The following CASZ1 variants were observed in gnomAD, a reference collection of about 807,000 sequenced individuals.
CASZ1 encodes castor zinc finger 1, also known as zinc finger protein castor homolog 1.
Under a neutral mutation model 135.2 loss-of-function variants are expected in CASZ1, and 28 were observed. That is an observed-to-expected ratio of 0.21 (90% CI 0.15 to 0.28). The LOEUF is 0.28. CASZ1 is among the 10% of genes least tolerant of loss of function. The pLI is 1.00. For missense variants in CASZ1, 2,161 were observed against 2,453.3 expected, an observed-to-expected ratio of 0.88 and a Z score of 2.52; for synonymous variants, 1,068 against 1,073.4, an observed-to-expected ratio of 0.99 and a Z score of 0.10.
At chr1:10,672,779 C>T (rs1643448470) in intron 4 of CASZ1, among the ~76,000 whole-genome samples, 1 of 152,228 alleles carries the variant, frequency 6.6e-6, no homozygotes. Context: ...CTCCCCACTC[C>T]AGTCTCCAGG....
intron 9 of CASZ1, among the ~76,000 whole-genome samples, chr1:10,655,067 T>C (rs1642742385): frequency 6.8e-6 from 1 of 146,552 alleles, no homozygotes; most frequent in Non-Finnish European, 1.5e-5. Flanking sequence ...AACGTTGCCA[T>C]ATTGAGTAAA....
intron 4 of CASZ1, among the ~76,000 whole-genome samples, chr1:10,677,909 G>A (rs934638922): frequency 2.6e-5 from 4 of 152,246 alleles, no homozygotes; most frequent in African/African-American, 9.6e-5. Flanking sequence ...AGGCCTGGAA[G>A]CCAGGCTCCC....
Position 10,724,811 on chromosome 1 carries a change from A to G in CASZ1, c.-76-19267T>C, listed in dbSNP as rs2100493291. 6.6e-6 allele frequency among the ~76,000 whole-genome samples: 1 copy of G among 152,190 alleles called. No individual in the cohort carries two copies. The highest frequency in any genetic ancestry group is 3.4e-3 in the Middle Eastern group (1 of 292). The stretch of plus-strand genomic sequence containing the variant: ...GAAGGCAGGTGGGGGGCTGGCTGGG[A>G]GCCTCGGAGGATGACATAAGGGGGA... On this transcript the variant is annotated intron_variant, in intron 2 of 20. Coordinates refer to ENST00000377022, the MANE Select transcript of CASZ1 (RefSeq NM_001079843.3). The surrounding 1 kb of genome is among the most constrained non-coding windows in gnomAD (Gnocchi z 4.1).
Position 10,655,793 on chromosome 1 carries a change from G to A in CASZ1, c.1521C>T (p.Asp507=), listed in dbSNP as rs1476430347. The A allele has an allele frequency of 1.1e-5, 17 of 1,613,958 alleles. No individual in the cohort carries two copies. The highest frequency in any genetic ancestry group is 1.3e-5 in the African/African-American group (1 of 74,934). The change falls in exon 9 of 21, where the codon GAC becomes GAT. Residue 507 remains aspartate (D), a synonymous_variant. Coordinates refer to ENST00000377022, the MANE Select transcript of CASZ1 (RefSeq NM_001079843.3). ...TGTGCATGTTGTAGTGGCGGATCAC[G>A]TCCTGCTTACTCGTGAACCTCTGCC... is the stretch of plus-strand genomic sequence containing the variant. ...CNYQRFTSKQ[D]VIRHYNMHKK...
rs1485542527 is a variant in CASZ1 at position 10,679,973 on chromosome 1, C to T, written c.16+13901G>A. 1.3e-5 allele frequency among the ~76,000 whole-genome samples: 2 copies of T among 152,142 alleles called. No homozygotes were observed. The highest frequency in any genetic ancestry group is 2.9e-5 in the Non-Finnish European group (2 of 68,024). Reference sequence around the variant, plus strand: ...GGGAGGAAGGCTGAGCCCCTTGGCCCTTAGGGGACTCCTGGCTGGACTCTA... The same window carrying T: ...GGGAGGAAGGCTGAGCCCCTTGGCCTTTAGGGGACTCCTGGCTGGACTCTA... On this transcript the variant is annotated intron_variant, in intron 4 of 20. Transcript: ENST00000377022. This position sits in a 1 kb window ranked among gnomAD's most constrained non-coding sequence, Gnocchi z 4.7.
Position 10,653,633 on chromosome 1 carries a change from A to G in CASZ1, c.2424T>C (p.Arg808=), listed in dbSNP as rs774360619. The G allele has an allele frequency of 2.0e-5, 31 of 1,549,274 alleles. No homozygotes were observed. The highest frequency in any genetic ancestry group is 2.4e-5 in the Non-Finnish European group (28 of 1,147,062). ...PTPYFPILAG[R]GSTSLPVGTP... ...TGCCCACAGGCAGGGAGGTGCTCCC[A>G]CGGCCAGCCAGTATGGGGAAGTAGG... Residue 808 remains arginine (R), a synonymous_variant, in exon 11 of 21, where the codon CGT becomes CGC. Coordinates refer to ENST00000377022, the MANE Select transcript of CASZ1 (RefSeq NM_001079843.3).
At chr1:10,667,557 G>T (rs1643273281) in intron 4 of CASZ1, among the ~76,000 whole-genome samples, 1 of 152,188 alleles carries the variant, frequency 6.6e-6, no homozygotes, top group African/African-American at 2.4e-5. Flanking sequence ...GAGCTGCCCA[G>T]CAGGTTCTGT....
rs578014418 is a variant in CASZ1, at chr1:10,720,786, G to A, written c.-76-15242C>T. Among the ~76,000 whole-genome samples the A allele has an allele frequency of 3.3e-5, 5 of 152,270 alleles. No homozygotes were observed. Among genetic ancestry groups the A allele is most frequent in the East Asian group, 1.9e-4 (1 of 5,172 alleles). On this transcript the variant is annotated intron_variant, in intron 2 of 20. Coordinates refer to ENST00000377022, the MANE Select transcript of CASZ1 (RefSeq NM_001079843.3). This position sits in a 1 kb window ranked among gnomAD's most constrained non-coding sequence, Gnocchi z 5.7. ...GTCAGAGAGTGGGGAGGAAGTGGACGCCGGTGGGTGAGCTGAGGGAGGGTG... is the reference window on the plus strand; with the variant it reads ...GTCAGAGAGTGGGGAGGAAGTGGACACCGGTGGGTGAGCTGAGGGAGGGTG...
In CASZ1 at chr1:10,774,332, C is replaced by T. The variant is rs980399687; in HGVS notation, c.-233-13475G>A. The stretch of plus-strand genomic sequence containing the variant: ...AAATGTTCTCAACTCTGACTGCTTT[C>T]GGCAGCACACTGTCAAATCTGCCCT... On this transcript the variant is annotated intron_variant, in intron 1 of 20. Transcript: ENST00000377022. This position sits in a 1 kb window ranked among gnomAD's most constrained non-coding sequence, Gnocchi z 4.4. 2.0e-5 allele frequency among the ~76,000 whole-genome samples: 3 copies of T among 152,142 alleles called. No homozygotes were observed. Among genetic ancestry groups the T allele is most frequent in the African/African-American group, 7.2e-5 (3 of 41,444 alleles).
intron 20 of CASZ1, 47 bp downstream of exon 20, chr1:10,642,812 T>G: frequency 6.3e-7 from 1 of 1,598,424 alleles, no homozygotes; most frequent in Non-Finnish European, 8.5e-7. Context: ...GTGCTGGGCT[T>G]TGGGAGTGGG....
rs1036644799 is a variant in CASZ1 at position 10,756,088 on chromosome 1, A to T, written c.-77+4613T>A. Among the ~76,000 whole-genome samples, 3 of 152,042 alleles carry T rather than the reference A, an allele frequency of 2.0e-5. No homozygotes were observed. The highest frequency in any genetic ancestry group is 2.1e-4 in the South Asian group (1 of 4,804). On this transcript the variant is annotated intron_variant, in intron 2 of 20. Transcript: ENST00000377022. This position sits in a 1 kb window ranked among gnomAD's most constrained non-coding sequence, Gnocchi z 5.9. ...GGCCCAGTGTTCTGAGGCCTGGCAGACACGCCCAGGAAGACTGGCTGACAC... is the reference window on the plus strand; with the variant it reads ...GGCCCAGTGTTCTGAGGCCTGGCAGTCACGCCCAGGAAGACTGGCTGACAC...
Position 10,639,036 on chromosome 1 carries a change from T to TCCG in CASZ1, c.5183_5185dup (p.Ala1728dup), listed in dbSNP as rs779050270. On this transcript the variant is annotated inframe_insertion, in exon 21 of 21. Coordinates refer to ENST00000377022, the MANE Select transcript of CASZ1 (RefSeq NM_001079843.3). This position sits in a 1 kb window ranked among gnomAD's most constrained non-coding sequence, Gnocchi z 4.0. ...GGTCCGCGCGCCCGCGCCCGCCGCCTCCGCCGCCGCCTCGGGCAGCGACTC... is the reference window on the plus strand; with the variant it reads ...GGTCCGCGCGCCCGCGCCCGCCGCCTCCGCCGCCGCCGCCTCGGGCAGCGACTC... The TCCG allele has an allele frequency of 9.6e-7, 1 of 1,040,170 alleles. No individual in the cohort carries two copies. The highest frequency in any genetic ancestry group is 5.3e-5 in the Admixed American group (1 of 18,856). The allele number at this position is 1,040,170 out of a possible 1,614,324, so 64.4% of individuals were successfully genotyped here.
chr1:10,768,552 C>T lies in CASZ1; in HGVS notation c.-233-7695G>A, dbSNP rs114834136. 4.3e-3 allele frequency among the ~76,000 whole-genome samples: 661 copies of T among 152,300 alleles called. 7 individuals are homozygous for T. Among genetic ancestry groups the T allele is most frequent in the African/African-American group, 0.016 (646 of 41,566 alleles). ...TTTTTACTCCCTCAACCAAGGCCCT[C>T]CTCTCCCTGGACTCCAGCCTTCTGG... On this transcript the variant is annotated intron_variant, in intron 1 of 20. Transcript: ENST00000377022.
At position 10,656,670 on chromosome 1, in the gene CASZ1, G is replaced by A. The variant is rs569218137; in HGVS notation, c.1476C>T (p.Cys492=). ...CAYQYREHYH[C]LDPECNYQRF... is the part of the protein sequence containing the mutation. ...CCTGGTAGTTACACTCAGGGTCAAG[G>A]CAGTGGTAGTGCTCGCGGTACTGGT... Residue 492 remains cysteine (C), a synonymous_variant, in exon 8 of 21, where the codon TGC becomes TGT. Coordinates refer to ENST00000377022, the MANE Select transcript of CASZ1 (RefSeq NM_001079843.3). The A allele has an allele frequency of 7.5e-6, 12 of 1,602,578 alleles. No homozygotes were observed. In the East Asian group the frequency reaches 2.5e-4, roughly 33 times the overall value.
intron 5 of CASZ1, among the ~76,000 whole-genome samples, chr1:10,664,454 G>T (rs1643161329): frequency 6.6e-6 from 1 of 152,312 alleles, no homozygotes; most frequent in East Asian, 1.9e-4. Flanking sequence ...GGTCAGCCAG[G>T]GGACCGTGGC....
At chr1:10,753,234 G>C (rs948572696) in intron 2 of CASZ1, among the ~76,000 whole-genome samples, 1 of 152,188 alleles carries the variant, frequency 6.6e-6, no homozygotes, top group African/African-American at 2.4e-5. Context: ...CCCCCGGCAG[G>C]GGGGTACAGT....
At position 10,638,895 on chromosome 1, in the gene CASZ1, CCCGAGG is replaced by C. The variant is rs969077491; in HGVS notation, c.*41_*46del. The C allele has an allele frequency of 4.1e-5, 39 of 961,770 alleles. No individual in the cohort carries two copies. The highest frequency in any genetic ancestry group is 1.5e-4 in the South Asian group (3 of 20,262). The allele number at this position is 961,770 out of a possible 1,614,324, so 59.6% of individuals were successfully genotyped here. On this transcript the variant is annotated 3_prime_UTR_variant, in exon 21 of 21. Coordinates refer to ENST00000377022, the MANE Select transcript of CASZ1 (RefSeq NM_001079843.3). The surrounding 1 kb of genome is among the most constrained non-coding windows in gnomAD (Gnocchi z 5.9). The stretch of plus-strand genomic sequence containing the variant: ...CCGCTTCGCGCGGGGCGGCGCCGCT[CCCGAGG>C]CCGAGGCCGAGGCCGCCGCCAGGGC...
In CASZ1 at chr1:10,712,372, T is replaced by TA. The variant is rs202014658; in HGVS notation, c.-76-6829dup. Among the ~76,000 whole-genome samples the TA allele has an allele frequency of 8.1e-3, 1,228 of 152,018 alleles. 17 individuals are homozygous for TA. The highest frequency in any genetic ancestry group is 0.028 in the African/African-American group (1,162 of 41,442). ...AAATAAATACATAAATAAAATAAAA[T>TA]AAAGTAAAATAAAATAAAATGGTTA... On this transcript the variant is annotated intron_variant, in intron 2 of 20. Transcript: ENST00000377022.
chr1:10,713,307 T>C (rs1474832587), intron 2 of CASZ1, among the ~76,000 whole-genome samples: 1 of 152,206 alleles, frequency 6.6e-6, no homozygotes, highest in Admixed American at 6.5e-5. Context: ...ATTTATTTTG[T>C]TACTTATTTA....
Sources: gnomAD v4.1 joint callset for allele counts (sites outside exome capture counted in the v4.1 genomes callset) on GRCh38, gnomAD v4.1.1 for gene constraint, Gnocchi (gnomAD v3.1) non-coding constraint, MANE v1.5 for transcripts, NCBI Gene and HGNC (gene_info 2026-07-23, HGNC 2026-07-21) for gene names.